LOC400499: variants seen among roughly 807,000 people sequenced by gnomAD.
the LOC400499 span, among the ~76,000 whole-genome samples, chr16:11,454,675 G>A: frequency 6.6e-6 from 1 of 152,212 alleles, no homozygotes; most frequent in African/African-American, 2.4e-5. Flanking sequence ...ACAGCCTTCA[G>A]AACTGTGAAA....
chr16:11,386,044 A>T, the LOC400499 span, among the ~76,000 whole-genome samples: 1 of 152,204 alleles, frequency 6.6e-6, no homozygotes. Flanking sequence ...TCAAAAAAAA[A>T]TGTCACACAT....
chr16:11,521,487 A>G, the LOC400499 span, among the ~76,000 whole-genome samples: 4 of 152,304 alleles, frequency 2.6e-5, no homozygotes, highest in East Asian at 7.7e-4. Flanking sequence ...GTGTTTGCCT[A>G]TAACCTGAGG....
At chr16:11,429,253 G>A in the LOC400499 span, among the ~76,000 whole-genome samples, 5,720 of 152,156 alleles carry the variant, frequency 0.038, 291 homozygotes, top group South Asian at 0.18. Flanking sequence ...GCTGTTTAAC[G>A]TGTGTAGCAG....
chr16:11,526,172 G>A, the LOC400499 span, among the ~76,000 whole-genome samples: 10 of 152,148 alleles, frequency 6.6e-5, no homozygotes, highest in Non-Finnish European at 1.5e-4. Flanking sequence ...AATCTGGCCC[G>A]CGCTCTCCAG....
the LOC400499 span, among the ~76,000 whole-genome samples, chr16:11,466,065 A>G: frequency 6.6e-6 from 1 of 152,248 alleles, no homozygotes; most frequent in Non-Finnish European, 1.5e-5. Flanking sequence ...TTATTAAACT[A>G]GCTGAATAAA....
At chr16:11,450,927 C>G in the LOC400499 span, 3 of 1,007,118 alleles carry the variant, frequency 3.0e-6, no homozygotes, top group South Asian at 5.0e-5. Context: ...GGACAAATCT[C>G]AAAACTGGGA....
At chr16:11,387,388 C>G in the LOC400499 span, 1 of 1,061,510 alleles carries the variant, frequency 9.4e-7, no homozygotes, top group East Asian at 3.2e-5. Flanking sequence ...AGGAAGAGCT[C>G]TGCAGTGGAG....
the LOC400499 span, among the ~76,000 whole-genome samples, chr16:11,380,033 A>G: frequency 9.9e-5 from 15 of 152,090 alleles, no homozygotes; most frequent in East Asian, 3.9e-4. Context: ...TCACAGCTCA[A>G]TGTAACCTCA....
At chr16:11,423,207 C>T in the LOC400499 span, 4,224 of 399,354 alleles carry the variant, frequency 0.011, 171 homozygotes, top group African/African-American at 0.078. Flanking sequence ...GATGTCCCCT[C>T]GGCACCATCC....
chr16:11,507,998 G>T, the LOC400499 span, among the ~76,000 whole-genome samples: 1 of 152,256 alleles, frequency 6.6e-6, no homozygotes, highest in Non-Finnish European at 1.5e-5. Flanking sequence ...CTAAGCCCTG[G>T]AACTTGTAAA....
the LOC400499 span, among the ~76,000 whole-genome samples, chr16:11,406,912 G>A: frequency 6.6e-6 from 1 of 152,096 alleles, no homozygotes; most frequent in Non-Finnish European, 1.5e-5. Flanking sequence ...GTGATTTCGG[G>A]GAGTCAATCT....
At chr16:11,410,435 C>T in the LOC400499 span, among the ~76,000 whole-genome samples, 3 of 151,990 alleles carry the variant, frequency 2.0e-5, no homozygotes, top group Admixed American at 6.6e-5. Context: ...GCCTGGGTGA[C>T]AAAGAGAGAC....
chr16:11,501,596 G>A, the LOC400499 span, among the ~76,000 whole-genome samples: 5 of 152,004 alleles, frequency 3.3e-5, no homozygotes, highest in East Asian at 3.9e-4. Context: ...GAGCATAGCC[G>A]TAAGCTGACT....
At chr16:11,451,686 G>C in the LOC400499 span, among the ~76,000 whole-genome samples, 1 of 152,186 alleles carries the variant, frequency 6.6e-6, no homozygotes, top group African/African-American at 2.4e-5. Context: ...CTTCTAGGAG[G>C]AAGTGACAAT....
the LOC400499 span, chr16:11,446,988 T>G: frequency 1.4e-6 from 2 of 1,453,442 alleles, no homozygotes; most frequent in Admixed American, 2.3e-5. Flanking sequence ...CCCCACGGTC[T>G]CAGCCTGGGC....
chr16:11,480,711 C>T, the LOC400499 span, among the ~76,000 whole-genome samples: 68 of 152,334 alleles, frequency 4.5e-4, no homozygotes, highest in African/African-American at 1.6e-3. Context: ...TATAAATACA[C>T]ACGTTCCCTA....
the LOC400499 span, among the ~76,000 whole-genome samples, chr16:11,479,810 T>C: frequency 6.6e-6 from 1 of 152,186 alleles, no homozygotes; most frequent in Non-Finnish European, 1.5e-5. Flanking sequence ...ATTTCACCAG[T>C]TTTTCCATTT....
At chr16:11,464,986 G>T in the LOC400499 span, among the ~76,000 whole-genome samples, 1 of 152,212 alleles carries the variant, frequency 6.6e-6, no homozygotes, top group East Asian at 1.9e-4. Context: ...CACCCAGGCT[G>T]ACGGCAGAGC....
chr16:11,466,692 C>T, the LOC400499 span, among the ~76,000 whole-genome samples: 3 of 152,046 alleles, frequency 2.0e-5, no homozygotes, highest in Non-Finnish European at 4.4e-5. Context: ...CCTGGCCTCA[C>T]TGAGATTTCT....
Sources: gnomAD v4.1 joint callset for allele counts (sites outside exome capture counted in the v4.1 genomes callset) on GRCh38, gnomAD v4.1.1 for gene constraint, MANE v1.5 for transcripts.